KAT7: variants seen among roughly 807,000 people sequenced by gnomAD.
KAT7 encodes the protein histone acetyltransferase KAT7.
KAT7 carries 10 observed loss-of-function variants against 82.1 expected under a neutral mutation model. The ratio of observed to expected loss-of-function variants is 0.12; its 90% CI spans 0.08 to 0.21. The LOEUF (loss-of-function observed/expected upper bound fraction) is 0.21, where lower values mean the gene tolerates loss of function less well. KAT7 is among the 10% of genes least tolerant of loss of function. The pLI is 1.00. For missense variants in KAT7, 378 were observed against 760.9 expected (o/e 0.50, Z 5.92); for synonymous variants, 250 against 262.5 (o/e 0.95, Z 0.46).
chr17:49,804,558 T>C (rs2143896482), intron 4 of KAT7, among the ~76,000 whole-genome samples: 1 of 152,250 alleles, frequency 6.6e-6, no homozygotes, highest in South Asian at 2.1e-4. Flanking sequence ...GGAAGATTGC[T>C]TGAGTCCAGG....
At chr17:49,805,806 C>T (rs568755862) in intron 5 of KAT7, among the ~76,000 whole-genome samples, 48 of 152,156 alleles carry the variant, frequency 3.2e-4, no homozygotes, top group Non-Finnish European at 6.2e-4. Context: ...TTTATGCATT[C>T]GGTTCTCTTC....
chr17:49,827,526 C>A lies in KAT7; in HGVS notation c.*24C>A. The A allele has an allele frequency of 7.4e-7, 1 of 1,358,776 alleles. No individual in the cohort carries two copies. Among genetic ancestry groups the A allele is most frequent in the Non-Finnish European group, 1.1e-6 (1 of 948,048 alleles). 84.2% of individuals were successfully genotyped at this position (1,358,776 alleles called of 1,614,324 possible). On this transcript the variant is annotated 3_prime_UTR_variant, in exon 15 of 15. Coordinates refer to ENST00000259021, the MANE Select transcript of KAT7 (RefSeq NM_007067.5). ...AAAGTGACCTGTCATTCCGAGCCAG[C>A]GAACCCCAGCAGTAGGAATCCGTAC...
chr17:49,810,467 G>A (rs904238454), intron 6 of KAT7, among the ~76,000 whole-genome samples: 3 of 152,150 alleles, frequency 2.0e-5, no homozygotes, highest in Non-Finnish European at 4.4e-5. Flanking sequence ...ATGTTGGCCA[G>A]GCTGGTCTTA....
intron 11 of KAT7, 117 bp downstream of exon 11, chr17:49,821,907 C>G: frequency 1.2e-6 from 1 of 845,402 alleles, no homozygotes; most frequent in Non-Finnish European, 1.9e-6. Flanking sequence ...GATGACACCC[C>G]TTCCTTAAAT....
chr17:49,823,166 C>T, intron 11 of KAT7, 36 bp from the exon 12 acceptor site: 1 of 1,203,462 alleles, frequency 8.3e-7, no homozygotes, highest in Admixed American at 1.7e-5. Context: ...GTTTCAAATC[C>T]TCATGACGTG....
intron 5 of KAT7, among the ~76,000 whole-genome samples, chr17:49,806,531 G>T (rs2074093990): frequency 6.6e-6 from 1 of 152,122 alleles, no homozygotes; most frequent in South Asian, 2.1e-4. Flanking sequence ...AAAAAGCTGT[G>T]CCCACATCTA....
intron 4 of KAT7, among the ~76,000 whole-genome samples, chr17:49,800,833 T>C (rs535798206): frequency 6.6e-6 from 1 of 152,194 alleles, no homozygotes; most frequent in South Asian, 2.1e-4. Context: ...TAGGATATTG[T>C]GTGTGTATAT....
rs1382321979 is a variant in KAT7, at chr17:49,834,469, C to T, written c.*6967C>T. 1 of 152,236 alleles carries T rather than the reference C, an allele frequency of 6.6e-6. No individual in the cohort carries two copies. Among genetic ancestry groups the T allele is most frequent in the Non-Finnish European group, 1.5e-5 (1 of 68,046 alleles). The allele number at this position is 152,236 out of a possible 1,614,324, so 9.4% of individuals were successfully genotyped here. A position where few individuals can be genotyped will look rare whatever the true frequency, so the allele number is the denominator to read the frequency against. On this transcript the variant is annotated 3_prime_UTR_variant, in exon 15 of 15. Coordinates refer to ENST00000259021, the MANE Select transcript of KAT7 (RefSeq NM_007067.5). ...CTTCTTCTGCTGTCGAGATACTGCT[C>T]ATCACCTGCCTGCTCCAGAATTCAT...
chr17:49,811,872 AC>A (rs1192306872), intron 7 of KAT7, among the ~76,000 whole-genome samples: 1 of 152,218 alleles, frequency 6.6e-6, no homozygotes, highest in Non-Finnish European at 1.5e-5. Flanking sequence ...ACCCGCTAGA[AC>A]ACATGCCATG....
chr17:49,816,046 C>T (rs866127485), intron 8 of KAT7, 133 bp downstream of exon 8: 7 of 608,070 alleles, frequency 1.2e-5, no homozygotes, highest in Middle Eastern at 2.7e-4. Context: ...TGTCTCCCAG[C>T]TGTCCCTTTT....
Position 49,832,039 on chromosome 17 carries a change from T to A in KAT7, c.*4537T>A, listed in dbSNP as rs2074429296. ...GGCGTGATCTAGGCTCATTGCAACC[T>A]CTGCCTCCCAGGTTCAAGCGATTTT... On this transcript the variant is annotated 3_prime_UTR_variant, in exon 15 of 15. Coordinates refer to ENST00000259021, the MANE Select transcript of KAT7 (RefSeq NM_007067.5). 6.6e-6 allele frequency: 1 copy of A among 151,304 alleles called. No homozygotes were observed. Among genetic ancestry groups the A allele is most frequent in the Non-Finnish European group, 1.5e-5 (1 of 67,984 alleles). The allele number at this position is 151,304 out of a possible 1,614,324, so 9.4% of individuals were successfully genotyped here.
intron 4 of KAT7, 137 bp downstream of exon 4, chr17:49,798,695 C>T: frequency 1.3e-6 from 1 of 790,740 alleles, no homozygotes; most frequent in East Asian, 2.6e-5. Context: ...TAATGAGTTG[C>T]TCACTTGAAT....
chr17:49,822,211 T>A (rs2074312968), intron 11 of KAT7, among the ~76,000 whole-genome samples: 1 of 152,104 alleles, frequency 6.6e-6, no homozygotes, highest in South Asian at 2.1e-4. Context: ...CTACTGCGCC[T>A]TTTAAAGACC....
Position 49,826,159 on chromosome 17 carries a change from C to G in KAT7, c.1627+13C>G, listed in dbSNP as rs2074366284. On this transcript the variant is annotated intron_variant, in intron 13 of 14. Transcript: ENST00000259021. The stretch of plus-strand genomic sequence containing the variant: ...ATTTCTATCAAAGGTTGGTTTTTGA[C>G]TCCTTGGAATGGTTGATTGTTACCC... 5.0e-6 allele frequency: 8 copies of G among 1,612,318 alleles called. No homozygotes were observed. The highest frequency in any genetic ancestry group is 3.3e-4 in the Middle Eastern group (2 of 6,054).
At chr17:49,822,270 C>T (rs928930527) in intron 11 of KAT7, among the ~76,000 whole-genome samples, 1 of 151,878 alleles carries the variant, frequency 6.6e-6, no homozygotes, top group Non-Finnish European at 1.5e-5. Flanking sequence ...CTCTGTTGCC[C>T]AGGCTGGAGT....
At chr17:49,822,564 A>C (rs896229241) in intron 11 of KAT7, among the ~76,000 whole-genome samples, 6 of 152,164 alleles carry the variant, frequency 3.9e-5, no homozygotes, top group Admixed American at 2.6e-4. Flanking sequence ...TTAGTATAAC[A>C]ACTTTATTGA....
chr17:49,824,292 G>C (rs1444330460), intron 12 of KAT7, among the ~76,000 whole-genome samples: 1 of 152,168 alleles, frequency 6.6e-6, no homozygotes, highest in Non-Finnish European at 1.5e-5. Flanking sequence ...GATGTCCACT[G>C]TCATAGGACA....
chr17:49,827,569 C>T lies in KAT7; in HGVS notation c.*67C>T. 1 of 924,010 alleles carries T rather than the reference C, an allele frequency of 1.1e-6. No homozygotes were observed. The allele number at this position is 924,010 out of a possible 1,614,324, so 57.2% of individuals were successfully genotyped here. On this transcript the variant is annotated 3_prime_UTR_variant, in exon 15 of 15. Coordinates refer to ENST00000259021, the MANE Select transcript of KAT7 (RefSeq NM_007067.5). ...ATCCGTACCCTAGGGATCTGTCTGT[C>T]ATTTCTCTGTTGCTCTTGTGATTGG...
At chr17:49,814,558 A>G (rs2074210391) in intron 7 of KAT7, among the ~76,000 whole-genome samples, 1 of 152,234 alleles carries the variant, frequency 6.6e-6, no homozygotes, top group Non-Finnish European at 1.5e-5. Flanking sequence ...GAGAGAGGTA[A>G]CTTACCTAAA....
Sources: allele counts gnomAD v4.1 joint callset (sites outside exome capture counted in the v4.1 genomes callset), GRCh38; gene constraint gnomAD v4.1.1; transcripts MANE v1.5; gene names NCBI Gene and HGNC (gene_info 2026-07-23, HGNC 2026-07-21).